MED12L: variants seen among roughly 807,000 people sequenced by gnomAD.
MED12L encodes the protein mediator of RNA polymerase II transcription subunit 12-like protein.
MED12L carries 60 observed loss-of-function variants against 281.3 expected under a neutral mutation model. The observed-to-expected ratio is 0.21, with a 90% CI of 0.17 to 0.26. The LOEUF (loss-of-function observed/expected upper bound fraction) is 0.26. Among genes scored for constraint, MED12L ranks in the 10% least tolerant of loss-of-function variants. The pLI is 1.00. For synonymous variants in MED12L, 974 were observed against 987.2 expected, an observed-to-expected ratio of 0.99 and a Z score of 0.25; for missense variants, 2,146 against 2,680.9, an observed-to-expected ratio of 0.80 and a Z score of 4.41.
At chr3:151,304,997 G>A (rs1004082868) in intron 16 of MED12L, among the ~76,000 whole-genome samples, 1 of 152,168 alleles carries the variant, frequency 6.6e-6, no homozygotes, top group Non-Finnish European at 1.5e-5. Flanking sequence ...CCTCTCAGGA[G>A]TCATTTGACT....
At chr3:151,395,272 T>G (rs945768371) in intron 39 of MED12L, among the ~76,000 whole-genome samples, 6 of 152,222 alleles carry the variant, frequency 3.9e-5, no homozygotes, top group Non-Finnish European at 8.8e-5. Flanking sequence ...TGTGAGGTTA[T>G]GTCTCTGAAG....
intron 19 of MED12L, 152 bp from the exon 20 acceptor site, chr3:151,357,061 A>C: frequency 1.6e-6 from 1 of 644,020 alleles, no homozygotes. Flanking sequence ...CAACTCTATA[A>C]ATTGGAAAAG....
intron 28 of MED12L, 71 bp downstream of exon 28, chr3:151,376,285 C>G: frequency 8.3e-7 from 1 of 1,205,250 alleles, no homozygotes; most frequent in Non-Finnish European, 1.1e-6. Flanking sequence ...GTTACTTCCT[C>G]TCTTTTTTTG....
chr3:151,241,495 TC>T (rs1456304907), intron 16 of MED12L, among the ~76,000 whole-genome samples: 2 of 152,120 alleles, frequency 1.3e-5, no homozygotes, highest in African/African-American at 4.8e-5. Flanking sequence ...TGAAGCATCT[TC>T]CCCTATAATG....
chr3:151,295,291 CT>C (rs1744938208), intron 16 of MED12L: 3 of 835,628 alleles, frequency 3.6e-6, no homozygotes, highest in South Asian at 1.6e-5. Context: ...ACAGACCCAA[CT>C]TTTTGTTATT....
intron 5 of MED12L, among the ~76,000 whole-genome samples, chr3:151,141,178 G>GTTTTTTTTTTTTTTTT (rs370095367): frequency 2.9e-5 from 3 of 102,228 alleles, no homozygotes; most frequent in East Asian, 3.3e-4. Flanking sequence ...TTTTTTTTTT[G>GTTTTTTTTTTTTTTTT]TTTTTTTTGT....
intron 16 of MED12L, among the ~76,000 whole-genome samples, chr3:151,244,846 G>C (rs567342206): frequency 6.6e-6 from 1 of 151,986 alleles, no homozygotes; most frequent in Non-Finnish European, 1.5e-5. Flanking sequence ...TTTTTGAAAG[G>C]ATCAACAAAA....
At chr3:151,116,851 G>A (rs2148739630) in intron 3 of MED12L, among the ~76,000 whole-genome samples, 1 of 152,300 alleles carries the variant, frequency 6.6e-6, no homozygotes, top group South Asian at 2.1e-4. Context: ...GACACACAAT[G>A]CCAGTTTGCC....
At chr3:151,089,612 C>T (rs1384604985) in intron 2 of MED12L, among the ~76,000 whole-genome samples, 1 of 136,768 alleles carries the variant, frequency 7.3e-6, no homozygotes, top group Non-Finnish European at 1.5e-5. Context: ...TAATATATTT[C>T]AGAAAAGGGC....
At chr3:151,216,284 T>C (rs1047430407) in intron 16 of MED12L, among the ~76,000 whole-genome samples, 1 of 152,228 alleles carries the variant, frequency 6.6e-6, no homozygotes, top group African/African-American at 2.4e-5. Context: ...GAAAGAAAGA[T>C]TGTGGGAACA....
chr3:151,107,247 T>C (rs890022656), intron 2 of MED12L, among the ~76,000 whole-genome samples: 2 of 152,214 alleles, frequency 1.3e-5, no homozygotes, highest in African/African-American at 2.4e-5. Flanking sequence ...AGAGTTAATA[T>C]TATATCATTT....
At chr3:151,097,202 A>G (rs1720825622) in intron 2 of MED12L, among the ~76,000 whole-genome samples, 1 of 152,184 alleles carries the variant, frequency 6.6e-6, no homozygotes, top group Non-Finnish European at 1.5e-5. Context: ...AGAGAGACGC[A>G]CACAAGCGGT....
At chr3:151,309,336 ATTATC>A (rs1486041633) in intron 16 of MED12L, among the ~76,000 whole-genome samples, 1 of 152,104 alleles carries the variant, frequency 6.6e-6, no homozygotes, top group Non-Finnish European at 1.5e-5. Context: ...GTATATTTGT[ATTATC>A]TTAATATTTG....
At chr3:151,198,910 T>C in intron 16 of MED12L, 5 of 1,614,126 alleles carry the variant, frequency 3.1e-6, no homozygotes, top group Non-Finnish European at 4.2e-6. Flanking sequence ...CATTTGACTT[T>C]TCCTTGATGT....
In MED12L at chr3:151,372,702, T is replaced by G. The variant is rs1756341082; in HGVS notation, c.3800T>G (p.Ile1267Ser). 6.2e-7 allele frequency: 1 copy of G among 1,613,840 alleles called. No individual in the cohort carries two copies. Among genetic ancestry groups the G allele is most frequent in the Non-Finnish European group, 8.5e-7 (1 of 1,179,868 alleles). Reference sequence around the variant, plus strand: ...AATCCAAAATCCTGTGGGAAAAGCATTTCCATAGAAACTGCCAATTTAAGA... The same window carrying G: ...AATCCAAAATCCTGTGGGAAAAGCAGTTCCATAGAAACTGCCAATTTAAGA... ...SQNPKSCGKS[I>S]SIETANLREY... The change falls in exon 27 of 45, where the codon ATT (isoleucine) becomes AGT (serine). Residue 1267 changes from isoleucine (I) to serine (S), a missense_variant. Physicochemically the swap from Ile to Ser is moderately radical, Grantham distance 142. Around this residue, in one of 9 missense-constraint regions of MED12L, gnomAD observed 235 missense variants for 260.3 expected, o/e 0.90. Transcript: ENST00000687756.
chr3:151,376,706 C>T, intron 28 of MED12L, 94 bp from the exon 29 acceptor site: 1 of 1,005,374 alleles, frequency 9.9e-7, no homozygotes, highest in Non-Finnish European at 1.5e-6. Context: ...TATGATTATT[C>T]TGCTCTTTCT....
intron 16 of MED12L, among the ~76,000 whole-genome samples, chr3:151,313,069 G>T (rs1291865205): frequency 6.6e-6 from 1 of 152,170 alleles, no homozygotes; most frequent in East Asian, 1.9e-4. Context: ...GAGCAGATAT[G>T]TGCTGTCGCT....
At position 151,435,917 on chromosome 3, in the gene MED12L, A is replaced by C. The variant is rs1012369671; in HGVS notation, c.*3113A>C. 1.1e-4 allele frequency: 16 copies of C among 152,220 alleles called. No individual in the cohort carries two copies. Among genetic ancestry groups the C allele is most frequent in the African/African-American group, 3.4e-4 (14 of 41,470 alleles). 9.4% of individuals were successfully genotyped at this position (152,220 alleles called of 1,614,324 possible). On this transcript the variant is annotated 3_prime_UTR_variant, in exon 45 of 45. Coordinates refer to ENST00000687756, the MANE Select transcript of MED12L (RefSeq NM_001393769.1). ...GCTTATAGAGCAACGATTCCTGCTCAGAAAAATTTCCTTATAAACAGCTCC... is the reference window on the plus strand; with the variant it reads ...GCTTATAGAGCAACGATTCCTGCTCCGAAAAATTTCCTTATAAACAGCTCC...
intron 16 of MED12L, among the ~76,000 whole-genome samples, chr3:151,219,309 T>C (rs1330794255): frequency 6.6e-6 from 1 of 152,226 alleles, no homozygotes; most frequent in African/African-American, 2.4e-5. Context: ...CATTGCTCAC[T>C]CCAGAAATAC....
Sources: gnomAD v4.1 joint callset for allele counts (sites outside exome capture counted in the v4.1 genomes callset) on GRCh38, gnomAD v4.1.1 for gene constraint, gnomAD v4.1.1 regional missense constraint, MANE v1.5 for transcripts, NCBI Gene and HGNC (gene_info 2026-07-23, HGNC 2026-07-21) for gene names.